EIPR1: variants seen among roughly 807,000 people sequenced by gnomAD.
EIPR1 encodes EARP and GARP complex-interacting protein 1.
EIPR1 carries 25 observed loss-of-function variants against 48.1 expected under a neutral mutation model. That is an observed-to-expected ratio of 0.52 (90% CI 0.38 to 0.73). EIPR1 has a LOEUF of 0.73. Among genes scored for constraint, EIPR1 ranks in the 30% least tolerant of loss-of-function variants. The pLI is 0.00. For synonymous variants in EIPR1, 204 were observed against 201.9 expected, an observed-to-expected ratio of 1.01 and a Z score of -0.09; for missense variants, 415 against 506.2, an observed-to-expected ratio of 0.82 and a Z score of 1.73.
intron 4 of EIPR1, among the ~76,000 whole-genome samples, chr2:3,238,635 T>C (rs996612921): frequency 1.3e-5 from 2 of 152,208 alleles, no homozygotes; most frequent in African/African-American, 4.8e-5. Context: ...AAGCGTCCAA[T>C]GTGGAAAATT....
At chr2:3,313,576 T>C (rs1318101563) in intron 3 of EIPR1, among the ~76,000 whole-genome samples, 1 of 152,162 alleles carries the variant, frequency 6.6e-6, no homozygotes, top group Non-Finnish European at 1.5e-5. Context: ...GGTCCACAAA[T>C]TGCTGAAGGC....
chr2:3,191,314 G>A (rs981786666), intron 8 of EIPR1, among the ~76,000 whole-genome samples: 22 of 149,474 alleles, frequency 1.5e-4, no homozygotes, highest in Admixed American at 1.3e-4. Flanking sequence ...GAGAGGGTCC[G>A]AAGACAGAGA....
chr2:3,257,976 G>A (rs1309652877), intron 3 of EIPR1, among the ~76,000 whole-genome samples: 1 of 152,224 alleles, frequency 6.6e-6, no homozygotes, highest in Non-Finnish European at 1.5e-5. Context: ...GGACCGGAAG[G>A]TAATGCCATT....
At chr2:3,354,048 C>T (rs1035106937) in intron 2 of EIPR1, among the ~76,000 whole-genome samples, 2 of 152,164 alleles carry the variant, frequency 1.3e-5, no homozygotes, top group Non-Finnish European at 2.9e-5. Flanking sequence ...AGGCCATGAA[C>T]CGAATCCGAT....
At chr2:3,338,558 G>A (rs1363956905) in intron 2 of EIPR1, among the ~76,000 whole-genome samples, 1 of 152,194 alleles carries the variant, frequency 6.6e-6, no homozygotes, top group East Asian at 1.9e-4. Context: ...GGCGCAGCAG[G>A]GCACGACTGC....
intron 5 of EIPR1, among the ~76,000 whole-genome samples, chr2:3,199,061 GC>G (rs1334678710): frequency 0.022 from 502 of 22,614 alleles, 164 homozygotes; most frequent in Middle Eastern, 0.056. Context: ...ATTTTAGAGG[GC>G]CCCCCCCCCG....
At chr2:3,214,107 T>G in intron 5 of EIPR1, 42 bp downstream of exon 5, 1 of 1,587,870 alleles carries the variant, frequency 6.3e-7, no homozygotes, top group Middle Eastern at 1.7e-4. Context: ...GGGTTTGGTT[T>G]AAAAATACAG....
At chr2:3,306,288 C>A (rs1041248799) in intron 3 of EIPR1, among the ~76,000 whole-genome samples, 3 of 152,186 alleles carry the variant, frequency 2.0e-5, no homozygotes, top group East Asian at 3.8e-4. Flanking sequence ...GTTCTCTTTT[C>A]CCCCCTTCTG....
chr2:3,227,677 C>T (rs1264432001), intron 4 of EIPR1, among the ~76,000 whole-genome samples: 1 of 152,236 alleles, frequency 6.6e-6, no homozygotes, highest in Non-Finnish European at 1.5e-5. Flanking sequence ...GCTCCCATCA[C>T]AGGCCCAGAG....
In EIPR1 at chr2:3,347,109, G is replaced by A. The variant is rs183858908; in HGVS notation, c.126+7441C>T. On this transcript the variant is annotated intron_variant, in intron 2 of 8. Transcript: ENST00000382125. ...GCCTGCTCCCACTTCGCCTTCCACCGTGACTGGAAGCTTCCTGAGGCCGTC... is the reference window on the plus strand; with the variant it reads ...GCCTGCTCCCACTTCGCCTTCCACCATGACTGGAAGCTTCCTGAGGCCGTC... Among the ~76,000 whole-genome samples, 202 of 152,168 alleles carry A rather than the reference G, an allele frequency of 1.3e-3. 1 individual carries two copies. The highest frequency in any genetic ancestry group is 6.5e-4 in the Admixed American group (10 of 15,282).
chr2:3,331,258 CATG>C, intron 3 of EIPR1, among the ~76,000 whole-genome samples: 2 of 97,136 alleles, frequency 2.1e-5, no homozygotes, highest in African/African-American at 9.9e-5. Context: ...TGTACACACT[CATG>C]AGATGGTGTG....
intron 5 of EIPR1, among the ~76,000 whole-genome samples, chr2:3,205,109 A>T (rs750517483): frequency 2.2e-4 from 33 of 152,196 alleles, no homozygotes; most frequent in Non-Finnish European, 4.6e-4. Flanking sequence ...GGACGTATGA[A>T]GCACCTGGTG....
At position 3,192,578 on chromosome 2, in the gene EIPR1, C is replaced by G; in HGVS notation, c.825G>C (p.Val275=). Residue 275 remains valine (V), a synonymous_variant, in exon 8 of 9, where the codon GTG becomes GTC. Transcript: ENST00000382125. ...VKTLEEHSHW[V]WNVRYNHSHD... is the part of the protein sequence containing the mutation. ...GAGAGTGGTTGTAGCGGACGTTCCA[C>G]ACCCTGCAAAGGGCAAGGCAGCTGC... 1.2e-6 allele frequency: 2 copies of G among 1,610,958 alleles called. No homozygotes were observed. The highest frequency in any genetic ancestry group is 1.7e-6 in the Non-Finnish European group (2 of 1,179,192).
At chr2:3,307,316 C>G (rs1457502201) in intron 3 of EIPR1, among the ~76,000 whole-genome samples, 1 of 152,216 alleles carries the variant, frequency 6.6e-6, no homozygotes, top group Non-Finnish European at 1.5e-5. Context: ...CCTCACCCAG[C>G]AGCTCCTGCC....
chr2:3,253,063 G>A (rs1667050360), intron 4 of EIPR1, among the ~76,000 whole-genome samples: 1 of 152,182 alleles, frequency 6.6e-6, no homozygotes, highest in South Asian at 2.1e-4. Context: ...AAGTCTGATA[G>A]GAAACATTTT....
At chr2:3,262,552 C>T (rs1310807004) in intron 3 of EIPR1, among the ~76,000 whole-genome samples, 1 of 152,176 alleles carries the variant, frequency 6.6e-6, no homozygotes, top group Non-Finnish European at 1.5e-5. Flanking sequence ...CAGCTTAGGC[C>T]AAGAGGGCAC....
At chr2:3,344,369 T>TGGTTACAGCATGTGACTCTGAAAACAC (rs1670339469) in intron 2 of EIPR1, among the ~76,000 whole-genome samples, 1 of 152,236 alleles carries the variant, frequency 6.6e-6, no homozygotes, top group South Asian at 2.1e-4. Context: ...TCTTTACCCC[T>TGGTTACAGCATGTGACTCTGAAAACAC]GGTTACAGCA....
chr2:3,224,474 G>T (rs1229104992), intron 4 of EIPR1, among the ~76,000 whole-genome samples: 1 of 152,174 alleles, frequency 6.6e-6, no homozygotes, highest in East Asian at 1.9e-4. Flanking sequence ...TTGCCAAACA[G>T]GTTTCACCTC....
chr2:3,255,747 G>A (rs796232602), intron 4 of EIPR1, among the ~76,000 whole-genome samples: 14 of 152,266 alleles, frequency 9.2e-5, no homozygotes, highest in African/African-American at 3.1e-4. Flanking sequence ...ACTGACCTGC[G>A]CAGAGTCTCA....
Sources: gnomAD v4.1 joint callset for allele counts (sites outside exome capture counted in the v4.1 genomes callset) on GRCh38, gnomAD v4.1.1 for gene constraint, MANE v1.5 for transcripts, NCBI Gene and HGNC (gene_info 2026-07-23, HGNC 2026-07-21) for gene names.